The following FHIT variants were observed in gnomAD, a reference collection of about 807,000 sequenced individuals.
FHIT encodes bis(5'-adenosyl)-triphosphatase.
In FHIT, 19 loss-of-function variants were observed where a neutral mutation model predicts 17.9. The observed-to-expected ratio is 1.06, with a 90% CI of 0.74 to 1.56. The LOEUF (loss-of-function observed/expected upper bound fraction) is 1.56, where lower values mean the gene tolerates loss of function less well. FHIT is among the 40% of genes most tolerant of loss of function. The pLI is 0.00. For synonymous variants in FHIT, 81 were observed against 69.7 expected (o/e 1.16, Z -0.81); for missense variants, 248 against 189.2 (o/e 1.31, Z -1.82).
intron 5 of FHIT, among the ~76,000 whole-genome samples, chr3:60,151,745 A>T (rs1700473748): frequency 6.6e-6 from 1 of 151,996 alleles, no homozygotes; most frequent in Non-Finnish European, 1.5e-5. Flanking sequence ...TTTCCTCTTA[A>T]TACTTCCAAG....
At chr3:60,465,447 C>T (rs1261235916) in intron 5 of FHIT, among the ~76,000 whole-genome samples, 1 of 152,004 alleles carries the variant, frequency 6.6e-6, no homozygotes, top group Non-Finnish European at 1.5e-5. Flanking sequence ...TAGGGTATTA[C>T]TCAAGAAATC....
At chr3:60,705,444 A>C (rs1351444361) in intron 4 of FHIT, among the ~76,000 whole-genome samples, 1 of 152,208 alleles carries the variant, frequency 6.6e-6, no homozygotes, top group Non-Finnish European at 1.5e-5. Flanking sequence ...AAATAAGACA[A>C]GAAAGAGAAA....
intron 7 of FHIT, among the ~76,000 whole-genome samples, chr3:59,970,218 G>A (rs1477902948): frequency 1.3e-5 from 2 of 152,030 alleles, no homozygotes; most frequent in African/African-American, 4.8e-5. Context: ...TGTAAAAAAC[G>A]GCTTTAAAAG....
At chr3:60,891,596 G>T (rs1056033933) in intron 3 of FHIT, among the ~76,000 whole-genome samples, 6 of 152,242 alleles carry the variant, frequency 3.9e-5, no homozygotes, top group African/African-American at 1.4e-4. Flanking sequence ...AGTCATACGT[G>T]TCTATATTTT....
intron 5 of FHIT, among the ~76,000 whole-genome samples, chr3:60,138,728 C>A (rs1699917030): frequency 6.6e-6 from 1 of 152,070 alleles, no homozygotes; most frequent in Admixed American, 6.5e-5. Flanking sequence ...GCTTCAAAGT[C>A]ACTGAAAGAG....
intron 2 of FHIT, among the ~76,000 whole-genome samples, chr3:61,128,382 T>C (rs766123833): frequency 5.5e-4 from 84 of 152,360 alleles, no homozygotes; most frequent in Non-Finnish European, 9.7e-4. Context: ...TCTTAAAACA[T>C]GTCAGCAGGG....
intron 5 of FHIT, among the ~76,000 whole-genome samples, chr3:60,077,035 A>G (rs1311952017): frequency 6.6e-6 from 1 of 150,592 alleles, no homozygotes; most frequent in Admixed American, 6.6e-5. Context: ...AACTGATTAA[A>G]TAAGATAGAT....
intron 3 of FHIT, among the ~76,000 whole-genome samples, chr3:60,984,866 A>C (rs1421032666): frequency 6.6e-6 from 1 of 152,004 alleles, no homozygotes; most frequent in African/African-American, 2.4e-5. Context: ...TGAAAGCCTA[A>C]GTTTTCCAAA....
chr3:60,744,024 C>T (rs1026011050), intron 4 of FHIT, among the ~76,000 whole-genome samples: 1 of 151,924 alleles, frequency 6.6e-6, no homozygotes, highest in Non-Finnish European at 1.5e-5. Context: ...CCCTTTTCTG[C>T]CCCCAGGGGT....
At chr3:60,780,213 T>C (rs1182213595) in intron 4 of FHIT, among the ~76,000 whole-genome samples, 1 of 152,172 alleles carries the variant, frequency 6.6e-6, no homozygotes, top group African/African-American at 2.4e-5. Flanking sequence ...TGGGACTCCT[T>C]TAAAAGGCAC....
chr3:59,928,947 A>G (rs946012875), intron 7 of FHIT, among the ~76,000 whole-genome samples: 9 of 133,184 alleles, frequency 6.8e-5, no homozygotes, highest in African/African-American at 2.2e-4. Flanking sequence ...GTGAGCCGAG[A>G]TTGCACCACT....
intron 3 of FHIT, among the ~76,000 whole-genome samples, chr3:60,872,683 T>C (rs1553755283): frequency 6.6e-6 from 1 of 152,164 alleles, no homozygotes; most frequent in Non-Finnish European, 1.5e-5. Context: ...AGAATAATGA[T>C]CATTTATTGA....
chr3:60,001,067 C>G (rs1699712174), intron 7 of FHIT, among the ~76,000 whole-genome samples: 1 of 152,208 alleles, frequency 6.6e-6, no homozygotes, highest in Non-Finnish European at 1.5e-5. Flanking sequence ...GCCATACCAC[C>G]CCATTCCCCT....
intron 8 of FHIT, among the ~76,000 whole-genome samples, chr3:59,877,250 G>A (rs1451378057): frequency 6.6e-6 from 1 of 152,180 alleles, no homozygotes; most frequent in African/African-American, 2.4e-5. Flanking sequence ...TTTCTATAAT[G>A]TGCTGCCAAA....
chr3:60,432,933 G>A (rs1002486271), intron 5 of FHIT, among the ~76,000 whole-genome samples: 2 of 141,802 alleles, frequency 1.4e-5, no homozygotes, highest in Non-Finnish European at 3.1e-5. Context: ...TTTTTTTACT[G>A]TGATAACACT....
chr3:59,797,516 A>T (rs1411421514), intron 8 of FHIT, among the ~76,000 whole-genome samples: 1 of 152,186 alleles, frequency 6.6e-6, no homozygotes, highest in Admixed American at 6.5e-5. Flanking sequence ...GTGATAGGCA[A>T]ATACATCTAA....
intron 5 of FHIT, among the ~76,000 whole-genome samples, chr3:60,273,968 A>G (rs1489597293): frequency 6.6e-6 from 1 of 152,204 alleles, no homozygotes. Flanking sequence ...AAAATAATTA[A>G]TATTTAACGA....
At chr3:60,747,132 A>G (rs114065825) in intron 4 of FHIT, among the ~76,000 whole-genome samples, 1 of 152,036 alleles carries the variant, frequency 6.6e-6, no homozygotes, top group African/African-American at 2.4e-5. Flanking sequence ...TTCACAAAAA[A>G]AAAAAAAAAT....
intron 3 of FHIT, among the ~76,000 whole-genome samples, chr3:60,980,187 A>G (rs761208978): frequency 2.6e-5 from 4 of 152,222 alleles, no homozygotes; most frequent in Non-Finnish European, 5.9e-5. Context: ...AACAGCAACT[A>G]TCAGTCAAAC....
Sources: allele counts gnomAD v4.1 joint callset (sites outside exome capture counted in the v4.1 genomes callset), GRCh38; gene constraint gnomAD v4.1.1; transcripts MANE v1.5; gene names NCBI Gene and HGNC (gene_info 2026-07-23, HGNC 2026-07-21).